Variants in PIP5K1B observed in about 807,000 individuals in gnomAD.
PIP5K1B encodes phosphatidylinositol 4-phosphate 5-kinase type-1 beta.
Under a neutral mutation model 67.0 loss-of-function variants are expected in PIP5K1B, and 42 were observed. That is an observed-to-expected ratio of 0.63 (90% CI 0.49 to 0.81). PIP5K1B has a LOEUF of 0.81. Among genes scored for constraint, PIP5K1B ranks in the 30% least tolerant of loss-of-function variants. The pLI, the probability that PIP5K1B is intolerant of heterozygous loss-of-function variation, is 0.00. For missense variants in PIP5K1B, 459 were observed against 646.3 expected (o/e 0.71, Z 3.14); for synonymous variants, 214 against 231.4 (o/e 0.92, Z 0.68).
chr9:68,753,921 A>G (rs995374605), intron 2 of PIP5K1B, among the ~76,000 whole-genome samples: 3 of 151,976 alleles, frequency 2.0e-5, no homozygotes, highest in Non-Finnish European at 2.9e-5. Flanking sequence ...TGGCCTCCCA[A>G]AGTGCTGGGA....
intron 1 of PIP5K1B, among the ~76,000 whole-genome samples, chr9:68,725,687 A>G (rs1828116148): frequency 6.6e-6 from 1 of 152,126 alleles, no homozygotes; most frequent in Admixed American, 6.6e-5. Context: ...GGATGAGGAG[A>G]GTGGCATGCT....
intron 4 of PIP5K1B, among the ~76,000 whole-genome samples, chr9:68,860,826 T>C (rs1823026742): frequency 6.6e-6 from 1 of 152,238 alleles, no homozygotes; most frequent in African/African-American, 2.4e-5. Context: ...CTTGGGACTC[T>C]GGAGCCAGCC....
At chr9:68,996,962 C>T (rs969094314) in intron 15 of PIP5K1B, among the ~76,000 whole-genome samples, 2 of 152,200 alleles carry the variant, frequency 1.3e-5, no homozygotes, top group Non-Finnish European at 2.9e-5. Context: ...TTTTGCTTCT[C>T]TGCAAAATGG....
At chr9:68,831,651 C>T (rs1474624661) in intron 4 of PIP5K1B, among the ~76,000 whole-genome samples, 1 of 152,052 alleles carries the variant, frequency 6.6e-6, no homozygotes, top group Non-Finnish European at 1.5e-5. Context: ...ACTCAGACAG[C>T]TTTGGAATGG....
At chr9:68,893,130 A>G (rs1824883978) in intron 7 of PIP5K1B, among the ~76,000 whole-genome samples, 1 of 152,054 alleles carries the variant, frequency 6.6e-6, no homozygotes, top group South Asian at 2.1e-4. Context: ...AAAATACCAG[A>G]CACAAAATTA....
At chr9:68,781,258 A>G in intron 2 of PIP5K1B, 1 of 551,304 alleles carries the variant, frequency 1.8e-6, no homozygotes, top group South Asian at 2.3e-5. Context: ...AGTGTGTTGA[A>G]GCATACATCT....
At chr9:68,798,066 C>T (rs928781004) in intron 2 of PIP5K1B, among the ~76,000 whole-genome samples, 3 of 151,214 alleles carry the variant, frequency 2.0e-5, no homozygotes, top group Non-Finnish European at 2.9e-5. Context: ...TTTTCATTCC[C>T]CGTGGAGTTC....
intron 2 of PIP5K1B, chr9:68,783,009 C>A (rs1048354745): frequency 3.6e-5 from 6 of 167,064 alleles, no homozygotes; most frequent in African/African-American, 1.4e-4. Context: ...TATCTGTTGC[C>A]CCTGATTTTG....
At chr9:68,923,580 T>G (rs1208712869) in intron 12 of PIP5K1B, among the ~76,000 whole-genome samples, 194 bp downstream of exon 12, 1 of 152,138 alleles carries the variant, frequency 6.6e-6, no homozygotes, top group Non-Finnish European at 1.5e-5. Flanking sequence ...GTGAAAAAAT[T>G]TAGAAGGTAT....
intron 2 of PIP5K1B, among the ~76,000 whole-genome samples, chr9:68,792,266 C>G (rs552861621): frequency 6.6e-6 from 1 of 152,098 alleles, no homozygotes; most frequent in African/African-American, 2.4e-5. Context: ...ATTATAGTTA[C>G]GCAAATTTAT....
At chr9:68,925,290 A>G (rs1564239638) in intron 12 of PIP5K1B, among the ~76,000 whole-genome samples, 4 of 152,190 alleles carry the variant, frequency 2.6e-5, no homozygotes, top group East Asian at 1.9e-4. Flanking sequence ...AAGGGGTACT[A>G]GGGTAATAAA....
chr9:68,920,493 G>T (rs142424202), intron 11 of PIP5K1B, among the ~76,000 whole-genome samples: 1 of 147,402 alleles, frequency 6.8e-6, no homozygotes, highest in Non-Finnish European at 1.5e-5. Flanking sequence ...TCACCCTCCT[G>T]AGTAGCTGGG....
chr9:68,832,691 A>C (rs1285266133), intron 4 of PIP5K1B, among the ~76,000 whole-genome samples: 2 of 152,216 alleles, frequency 1.3e-5, no homozygotes, highest in African/African-American at 2.4e-5. Flanking sequence ...ACGTACACCC[A>C]GACACCCAGA....
chr9:68,764,699 A>G (rs1055562573), intron 2 of PIP5K1B, among the ~76,000 whole-genome samples: 1 of 152,146 alleles, frequency 6.6e-6, no homozygotes, highest in Non-Finnish European at 1.5e-5. Flanking sequence ...CAAAACAAAA[A>G]GTAATAATGC....
intron 14 of PIP5K1B, among the ~76,000 whole-genome samples, chr9:68,970,268 C>G (rs1343499473): frequency 2.0e-5 from 3 of 152,218 alleles, no homozygotes; most frequent in Non-Finnish European, 4.4e-5. Context: ...TTGCTTCTCA[C>G]TGAAACTCTG....
At chr9:68,793,244 C>G (rs1832098128) in intron 2 of PIP5K1B, among the ~76,000 whole-genome samples, 1 of 148,660 alleles carries the variant, frequency 6.7e-6, no homozygotes, top group Non-Finnish European at 1.5e-5. Flanking sequence ...GGCATAGTAT[C>G]TTGTATGAAG....
chr9:68,730,022 C>A (rs1349041316), intron 1 of PIP5K1B, among the ~76,000 whole-genome samples: 1 of 151,764 alleles, frequency 6.6e-6, no homozygotes, highest in Non-Finnish European at 1.5e-5. Flanking sequence ...AATGATTAAA[C>A]AAACCATAAT....
intron 4 of PIP5K1B, among the ~76,000 whole-genome samples, chr9:68,827,306 C>A (rs1052138639): frequency 2.6e-5 from 4 of 152,116 alleles, no homozygotes; most frequent in Non-Finnish European, 5.9e-5. Flanking sequence ...ATGTTCTAGG[C>A]CAGTGTTGTT....
In PIP5K1B at chr9:68,736,799, T is replaced by C. The variant is rs1169725447; in HGVS notation, c.-242-5702T>C. 6.6e-5 allele frequency among the ~76,000 whole-genome samples: 10 copies of C among 152,256 alleles called. No homozygotes were observed. In the East Asian group the frequency reaches 1.9e-3, roughly 29 times the overall value. On this transcript the variant is annotated intron_variant, in intron 1 of 15. Transcript: ENST00000265382. Reference sequence around the variant, plus strand: ...GGTGCATTTGGATAATCTCCCCATTTTGAGGCACTTAATTTAATTACATCT... The same window carrying C: ...GGTGCATTTGGATAATCTCCCCATTCTGAGGCACTTAATTTAATTACATCT...
Sources: allele counts gnomAD v4.1 joint callset (sites outside exome capture counted in the v4.1 genomes callset), GRCh38; gene constraint gnomAD v4.1.1; transcripts MANE v1.5; gene names NCBI Gene and HGNC (gene_info 2026-07-23, HGNC 2026-07-21).